RORA: variants seen among roughly 807,000 people sequenced by gnomAD.
RORA encodes the protein RAR related orphan receptor A.
A neutral mutation model predicts 69.5 loss-of-function variants in RORA; 7 were observed. The observed-to-expected ratio is 0.10, with a 90% CI of 0.06 to 0.19. RORA has a LOEUF of 0.19. Ranked by LOEUF, RORA falls within the 10% of genes least tolerant of loss-of-function variation. The pLI, the probability that RORA is intolerant of heterozygous loss-of-function variation, is 1.00. For synonymous variants in RORA, 261 were observed against 240.8 expected, an observed-to-expected ratio of 1.08 and a Z score of -0.78; for missense variants, 457 against 663.0, an observed-to-expected ratio of 0.69 and a Z score of 3.41.
intron 1 of RORA, among the ~76,000 whole-genome samples, chr15:61,192,329 T>C (rs532984268): frequency 1.3e-5 from 2 of 152,358 alleles, no homozygotes; most frequent in South Asian, 4.1e-4. Context: ...TACTCTGGAT[T>C]GCCAGTTTCC....
chr15:60,893,456 T>C (rs1891135937), intron 1 of RORA, among the ~76,000 whole-genome samples: 1 of 152,202 alleles, frequency 6.6e-6, no homozygotes, highest in Non-Finnish European at 1.5e-5. Flanking sequence ...TCCGCGCCCC[T>C]GCGAAACTCC....
At chr15:61,042,485 T>C (rs1205139661) in intron 1 of RORA, among the ~76,000 whole-genome samples, 1 of 152,236 alleles carries the variant, frequency 6.6e-6, no homozygotes, top group Non-Finnish European at 1.5e-5. Flanking sequence ...TGTAGTTAAA[T>C]GCTTTCTAAC....
intron 1 of RORA, among the ~76,000 whole-genome samples, chr15:61,225,834 G>A (rs751567016): frequency 1.3e-5 from 2 of 151,968 alleles, no homozygotes; most frequent in Non-Finnish European, 2.9e-5. Flanking sequence ...ATTCGCTGTG[G>A]TTTTTTTTCC....
intron 1 of RORA, among the ~76,000 whole-genome samples, chr15:60,957,759 A>C (rs1243947837): frequency 6.6e-6 from 1 of 152,212 alleles, no homozygotes; most frequent in Non-Finnish European, 1.5e-5. Flanking sequence ...AGAAAAGAGA[A>C]GAACATAAAG....
At chr15:61,052,172 A>G (rs1235827644) in intron 1 of RORA, among the ~76,000 whole-genome samples, 1 of 152,230 alleles carries the variant, frequency 6.6e-6, no homozygotes, top group Non-Finnish European at 1.5e-5. Flanking sequence ...GCACACAGAG[A>G]ATGATCAGTG....
chr15:60,617,768 C>T (rs1191372118), intron 2 of RORA, among the ~76,000 whole-genome samples: 4 of 151,188 alleles, frequency 2.6e-5, no homozygotes, highest in Non-Finnish European at 5.9e-5. Context: ...TCAAACCTGG[C>T]GATGGGCAGA....
intron 1 of RORA, among the ~76,000 whole-genome samples, chr15:60,875,345 C>T (rs1029220400): frequency 3.9e-5 from 6 of 152,254 alleles, no homozygotes; most frequent in Admixed American, 1.3e-4. Flanking sequence ...TAATCTACCC[C>T]CCTAAAAAAC....
At chr15:61,227,955 C>A (rs1232626557) in intron 1 of RORA, among the ~76,000 whole-genome samples, 1 of 152,156 alleles carries the variant, frequency 6.6e-6, no homozygotes, top group African/African-American at 2.4e-5. Context: ...GTTCCAATAC[C>A]TTCAAGAAAG....
At chr15:60,725,476 A>C (rs1459121201) in intron 1 of RORA, among the ~76,000 whole-genome samples, 1 of 152,186 alleles carries the variant, frequency 6.6e-6, no homozygotes, top group Non-Finnish European at 1.5e-5. Context: ...TAGGGGGTAG[A>C]TGAGATGCTT....
At chr15:61,170,060 A>G (rs1241833221) in intron 1 of RORA, among the ~76,000 whole-genome samples, 1 of 152,178 alleles carries the variant, frequency 6.6e-6, no homozygotes, top group Non-Finnish European at 1.5e-5. Context: ...TGTGTGACCC[A>G]AGGTGAGCTG....
At chr15:60,773,852 T>G (rs933639383) in intron 1 of RORA, among the ~76,000 whole-genome samples, 6 of 152,204 alleles carry the variant, frequency 3.9e-5, no homozygotes, top group African/African-American at 1.2e-4. Context: ...TATGGAAATT[T>G]CCCAAGGGCA....
At chr15:61,164,672 C>A (rs2079525911) in intron 1 of RORA, among the ~76,000 whole-genome samples, 1 of 152,106 alleles carries the variant, frequency 6.6e-6, no homozygotes, top group Non-Finnish European at 1.5e-5. Flanking sequence ...ACCTCTGACA[C>A]AGTTATCACA....
At chr15:61,103,117 C>T (rs1369221348) in intron 1 of RORA, among the ~76,000 whole-genome samples, 1 of 152,156 alleles carries the variant, frequency 6.6e-6, no homozygotes, top group Non-Finnish European at 1.5e-5. Flanking sequence ...GTGGGTAACT[C>T]AAGCGCAGTG....
intron 1 of RORA, among the ~76,000 whole-genome samples, chr15:60,771,644 C>T (rs188863761): frequency 6.6e-6 from 1 of 152,326 alleles, no homozygotes; most frequent in East Asian, 1.9e-4. Flanking sequence ...ACCTGTTCTC[C>T]AGAATGTTAG....
intron 1 of RORA, among the ~76,000 whole-genome samples, chr15:60,858,077 G>T (rs2073399393): frequency 6.6e-6 from 1 of 152,236 alleles, no homozygotes; most frequent in East Asian, 1.9e-4. Context: ...AGTTTGTGTT[G>T]CTATGAGGAT....
intron 2 of RORA, among the ~76,000 whole-genome samples, chr15:60,643,114 G>A (rs956296965): frequency 6.6e-6 from 1 of 152,156 alleles, no homozygotes; most frequent in East Asian, 1.9e-4. Context: ...CCAAGATTGC[G>A]CCACTGCACT....
At chr15:60,767,437 G>A (rs1037008134) in intron 1 of RORA, among the ~76,000 whole-genome samples, 2 of 152,168 alleles carry the variant, frequency 1.3e-5, no homozygotes, top group African/African-American at 4.8e-5. Context: ...CTTCACACAT[G>A]AAAAGTTGAG....
intron 1 of RORA, among the ~76,000 whole-genome samples, chr15:60,903,632 G>C (rs1891451817): frequency 6.6e-6 from 1 of 152,186 alleles, no homozygotes; most frequent in Admixed American, 6.5e-5. Context: ...GCAATGCAAA[G>C]TGGCAATTTT....
intron 2 of RORA, among the ~76,000 whole-genome samples, chr15:60,554,308 C>T (rs552641960): frequency 1.3e-5 from 2 of 152,140 alleles, no homozygotes; most frequent in South Asian, 4.1e-4. Context: ...GGAAGTGTAA[C>T]AGTTAAATAT....
Sources: gnomAD v4.1 joint callset for allele counts (sites outside exome capture counted in the v4.1 genomes callset) on GRCh38, gnomAD v4.1.1 for gene constraint, MANE v1.5 for transcripts, NCBI Gene and HGNC (gene_info 2026-07-23, HGNC 2026-07-21) for gene names.